The following RREB1 variants were observed in gnomAD, a reference collection of about 807,000 sequenced individuals.
The protein encoded by RREB1 is ras responsive element binding protein 1.
In RREB1, 27 loss-of-function variants were observed where a neutral mutation model predicts 117.8. The observed-to-expected ratio is 0.23, with a 90% CI of 0.17 to 0.32. The LOEUF (loss-of-function observed/expected upper bound fraction) is 0.32. Among genes scored for constraint, RREB1 ranks in the 10% least tolerant of loss-of-function variants. The pLI is 1.00. For missense variants in RREB1, 2,577 were observed against 2,378.2 expected (o/e 1.08, Z -1.74); for synonymous variants, 1,298 against 1,026.7 (o/e 1.26, Z -5.05).
At chr6:7,117,997 A>G (rs1030465562) in intron 1 of RREB1, among the ~76,000 whole-genome samples, 4 of 152,266 alleles carry the variant, frequency 2.6e-5, no homozygotes, top group African/African-American at 7.2e-5. Flanking sequence ...AATATTTTTT[A>G]ACAAGTGCTT....
At chr6:7,201,485 G>A (rs1765975247) in intron 6 of RREB1, among the ~76,000 whole-genome samples, 1 of 151,578 alleles carries the variant, frequency 6.6e-6, no homozygotes, top group Non-Finnish European at 1.5e-5. Context: ...GTGATTAGTG[G>A]CAACATTGTC....
rs1000211504 is a variant in RREB1, at chr6:7,247,322, C to T, written c.4771+101C>T. ...GCGGCGCTGGAGGCCACCGAGAGAA[C>T]GTTTGCTTACGTTGCCGGTGTGCCC... On this transcript the variant is annotated intron_variant, in intron 12 of 12. Transcript: ENST00000379938. The T allele has an allele frequency of 6.0e-6, 6 of 1,007,386 alleles. No individual in the cohort carries two copies. In the Admixed American group the frequency reaches 1.4e-4, roughly 24 times the overall value. 62.4% of individuals were successfully genotyped at this position (1,007,386 alleles called of 1,614,324 possible).
chr6:7,156,404 T>C (rs1011187045), intron 1 of RREB1, among the ~76,000 whole-genome samples: 2 of 152,218 alleles, frequency 1.3e-5, no homozygotes, highest in Admixed American at 6.5e-5. Flanking sequence ...ACAGATTTGC[T>C]CAGACCAATC....
At chr6:7,202,503 C>G (rs1298669404) in intron 6 of RREB1, among the ~76,000 whole-genome samples, 1 of 152,108 alleles carries the variant, frequency 6.6e-6, no homozygotes, top group Admixed American at 6.6e-5. Flanking sequence ...GGAAGCTGGT[C>G]TCTGGTGGCC....
At chr6:7,192,815 T>A (rs951984181) in intron 6 of RREB1, among the ~76,000 whole-genome samples, 1 of 152,234 alleles carries the variant, frequency 6.6e-6, no homozygotes, top group Non-Finnish European at 1.5e-5. Flanking sequence ...ATTATTATTA[T>A]CCGTTTTCTG....
chr6:7,108,513 G>A (rs956435233), intron 1 of RREB1: 1 of 152,092 alleles, frequency 6.6e-6, no homozygotes, highest in Non-Finnish European at 1.5e-5. Context: ...AGCACCGCCG[G>A]GACTCGGATG....
chr6:7,122,733 T>C (rs540991253), intron 1 of RREB1, among the ~76,000 whole-genome samples: 1 of 152,360 alleles, frequency 6.6e-6, no homozygotes, highest in South Asian at 2.1e-4. Flanking sequence ...TTTAAAGTAC[T>C]CTACAAACAA....
At chr6:7,204,382 T>C (rs1169648573) in intron 6 of RREB1, among the ~76,000 whole-genome samples, 1 of 144,620 alleles carries the variant, frequency 6.9e-6, no homozygotes, top group East Asian at 2.3e-4. Flanking sequence ...ACAAGCATCA[T>C]CCACAGCCCT....
rs201522534 is a variant in RREB1, at chr6:7,246,985, C to T, written c.4535C>T (p.Pro1512Leu). Residue 1512 changes from proline to leucine, a missense_variant, in exon 12 of 13, where the codon CCG (proline) becomes CTG (leucine). By Grantham distance (98) the Pro-to-Leu change is moderately conservative. Transcript: ENST00000379938. The part of the protein sequence containing the change: ...ETPAEVVESA[P>L]GAGEAPAEKL... ...CCGGCAGAGGTGGTGGAGTCGGCCC[C>T]GGGTGCCGGGGAGGCCCCGGCGGAA... 2 of 1,589,886 alleles carry T rather than the reference C, an allele frequency of 1.3e-6. No homozygotes were observed. Among genetic ancestry groups the T allele is most frequent in the East Asian group, 2.3e-5 (1 of 43,094 alleles).
chr6:7,117,482 C>T (rs1761465031), intron 1 of RREB1, among the ~76,000 whole-genome samples: 1 of 141,096 alleles, frequency 7.1e-6, no homozygotes, highest in African/African-American at 2.7e-5. Flanking sequence ...GCAGTCTTGG[C>T]TCACTGCAAC....
intron 1 of RREB1, among the ~76,000 whole-genome samples, chr6:7,135,621 C>A (rs1009131850): frequency 6.6e-6 from 1 of 152,186 alleles, no homozygotes; most frequent in African/African-American, 2.4e-5. Flanking sequence ...GTGACTGCCT[C>A]ATTTCTGATG....
rs70978941 is a variant in RREB1 at position 7,117,388 on chromosome 6, GTTT to G, written c.-285+9363_-285+9365del. Among the ~76,000 whole-genome samples the G allele has an allele frequency of 5.7e-3, 359 of 63,284 alleles. 8 individuals carry two copies. The highest frequency in any genetic ancestry group is 0.023 in the African/African-American group (338 of 14,626). The allele number at this position is 63,284 out of a possible 152,430, so 41.5% of individuals were successfully genotyped here. A position where few individuals can be genotyped will look rare whatever the true frequency, so the allele number is the denominator to read the frequency against. On this transcript the variant is annotated intron_variant, in intron 1 of 12. Transcript: ENST00000379938. ...GGTGAACCATGTGAATAGGTTTCCTGTTTTTTTTTTTTTTTTTTTTTTTTTTTT... is the reference window on the plus strand; with the variant it reads ...GGTGAACCATGTGAATAGGTTTCCTGTTTTTTTTTTTTTTTTTTTTTTTTT...
intron 1 of RREB1, among the ~76,000 whole-genome samples, chr6:7,161,863 A>G (rs1462819849): frequency 6.6e-5 from 10 of 152,130 alleles, no homozygotes; most frequent in Non-Finnish European, 1.5e-4. Context: ...AGTGCCTCCT[A>G]ACTGGGTTAT....
chr6:7,181,755 C>A, intron 3 of RREB1, 115 bp from the exon 4 acceptor site: 1 of 775,232 alleles, frequency 1.3e-6, no homozygotes, highest in Non-Finnish European at 2.2e-6. Flanking sequence ...TGGAGAAAGA[C>A]AGCGTTGGAT....
intron 1 of RREB1, among the ~76,000 whole-genome samples, chr6:7,125,299 C>G (rs1761858865): frequency 6.6e-6 from 1 of 152,216 alleles, no homozygotes; most frequent in Admixed American, 6.5e-5. Flanking sequence ...TGGACAAATT[C>G]TGCCAAGTAT....
intron 11 of RREB1, among the ~76,000 whole-genome samples, chr6:7,245,158 G>T (rs547924466): frequency 1.3e-5 from 2 of 152,368 alleles, no homozygotes; most frequent in Admixed American, 1.3e-4. Context: ...CACTTTGGGA[G>T]GCTGAGGTGG....
Position 7,248,880 on chromosome 6 carries a change from A to G in RREB1, c.5141A>G (p.Gln1714Arg), listed in dbSNP as rs1295405848. ...LNPESPAALG[Q>R]DLLEPRSKRP... ...CCAGAGAGCCCGGCGGCCCTGGGGC[A>G]GGACCTGCTGGAGCCGCGCAGCAAG... The change falls in exon 13 of 13, where the codon CAG (glutamine) becomes CGG (arginine). Residue 1714 changes from glutamine (Q) to arginine (R), a missense_variant. By Grantham distance (43) the Gln-to-Arg change is conservative. Coordinates refer to ENST00000379938, the MANE Select transcript of RREB1 (RefSeq NM_001003699.4). 3 of 1,589,628 alleles carry G rather than the reference A, an allele frequency of 1.9e-6. No homozygotes were observed. The highest frequency in any genetic ancestry group is 1.8e-5 in the Admixed American group (1 of 56,390).
chr6:7,157,867 C>T (rs184572207), intron 1 of RREB1, among the ~76,000 whole-genome samples: 1 of 152,156 alleles, frequency 6.6e-6, no homozygotes, highest in East Asian at 1.9e-4. Context: ...CTCTACCACT[C>T]GCTGCTAATG....
chr6:7,126,313 G>A (rs559353893), intron 1 of RREB1, among the ~76,000 whole-genome samples: 41 of 145,356 alleles, frequency 2.8e-4, no homozygotes, highest in African/African-American at 9.8e-4. Flanking sequence ...ATTCCCCCCC[G>A]ACCCATTCTT....
Sources: gnomAD v4.1 joint callset for allele counts (sites outside exome capture counted in the v4.1 genomes callset) on GRCh38, gnomAD v4.1.1 for gene constraint, MANE v1.5 for transcripts, NCBI Gene and HGNC (gene_info 2026-07-23, HGNC 2026-07-21) for gene names.